The following NALF1 variants were observed in gnomAD, a reference collection of about 807,000 sequenced individuals.
The protein encoded by NALF1 is family with sequence similarity 155 member A.
In NALF1, 3 loss-of-function variants were observed where a neutral mutation model predicts 48.4. That is an observed-to-expected ratio of 0.06 (90% CI 0.03 to 0.16). The LOEUF is 0.16. Among genes scored for constraint, NALF1 ranks in the 10% least tolerant of loss-of-function variants. The pLI, the probability that NALF1 is intolerant of heterozygous loss-of-function variation, is 1.00. For missense variants in NALF1, 526 were observed against 571.5 expected, an observed-to-expected ratio of 0.92 and a Z score of 0.81; for synonymous variants, 262 against 245.7, an observed-to-expected ratio of 1.07 and a Z score of -0.62.
chr13:107,854,639 G>A (rs1279233225), intron 1 of NALF1, among the ~76,000 whole-genome samples: 1 of 152,082 alleles, frequency 6.6e-6, no homozygotes, highest in Non-Finnish European at 1.5e-5. Context: ...TTGGGAGGCC[G>A]AGGCGGGCAG....
intron 1 of NALF1, among the ~76,000 whole-genome samples, chr13:107,513,458 G>A (rs1380875329): frequency 6.6e-6 from 1 of 151,376 alleles, no homozygotes; most frequent in Non-Finnish European, 1.5e-5. Flanking sequence ...GGTTTGTACT[G>A]TGGGAAACTA....
At chr13:107,187,844 T>C (rs1055531436) in intron 2 of NALF1, among the ~76,000 whole-genome samples, 15 of 152,224 alleles carry the variant, frequency 9.9e-5, no homozygotes, top group Admixed American at 5.2e-4. Context: ...TTTTCTCTCA[T>C]ATACTTTTTT....
intron 1 of NALF1, among the ~76,000 whole-genome samples, chr13:107,759,276 T>A (rs1877200281): frequency 6.6e-6 from 1 of 152,224 alleles, no homozygotes; most frequent in South Asian, 2.1e-4. Context: ...TGGCATGATC[T>A]CAGCTCACTG....
intron 1 of NALF1, among the ~76,000 whole-genome samples, chr13:107,702,456 T>C (rs1881845805): frequency 2.0e-5 from 3 of 152,336 alleles, no homozygotes; most frequent in South Asian, 2.1e-4. Context: ...AGAGCTCTTA[T>C]ATAATTCTTG....
chr13:107,735,261 G>T (rs1273196672), intron 1 of NALF1, among the ~76,000 whole-genome samples: 2 of 152,302 alleles, frequency 1.3e-5, no homozygotes, highest in South Asian at 4.2e-4. Context: ...CTAAACCTGG[G>T]TAGTAAAGGC....
At chr13:107,571,214 C>G (rs1877977356) in intron 1 of NALF1, among the ~76,000 whole-genome samples, 1 of 152,026 alleles carries the variant, frequency 6.6e-6, no homozygotes, top group African/African-American at 2.4e-5. Context: ...TTCATAATAA[C>G]TCCTTTTTGA....
At chr13:107,369,738 AG>A (rs1883216592) in intron 1 of NALF1, among the ~76,000 whole-genome samples, 1 of 152,192 alleles carries the variant, frequency 6.6e-6, no homozygotes, top group South Asian at 2.1e-4. Context: ...GAGAAATGGA[AG>A]AATCCCTTTG....
chr13:107,432,146 G>T (rs721452), intron 1 of NALF1, among the ~76,000 whole-genome samples: 40,737 of 151,968 alleles, frequency 0.27, 5,617 homozygotes, highest in East Asian at 0.47. Context: ...GGTGAAGGGG[G>T]AGCAGGCATC....
intron 1 of NALF1, among the ~76,000 whole-genome samples, chr13:107,213,230 CA>C (rs386380636): frequency 0.028 from 2,861 of 103,338 alleles, 43 homozygotes; most frequent in African/African-American, 0.07. Flanking sequence ...TTTTTTAACT[CA>C]AAAAAAAAAA....
intron 1 of NALF1, among the ~76,000 whole-genome samples, chr13:107,380,452 A>G (rs992172898): frequency 1.3e-5 from 2 of 152,284 alleles, no homozygotes; most frequent in Admixed American, 1.3e-4. Flanking sequence ...ACATGTGTCT[A>G]TATTTGTGTA....
At chr13:107,322,162 T>C (rs900595797) in intron 1 of NALF1, among the ~76,000 whole-genome samples, 4 of 152,198 alleles carry the variant, frequency 2.6e-5, no homozygotes, top group Non-Finnish European at 2.9e-5. Flanking sequence ...CTTTTGTATA[T>C]GCTCTGTAAT....
intron 1 of NALF1, among the ~76,000 whole-genome samples, chr13:107,261,486 C>T (rs1349086113): frequency 6.6e-6 from 1 of 152,196 alleles, no homozygotes; most frequent in Non-Finnish European, 1.5e-5. Flanking sequence ...GGAGAAGCTG[C>T]CCCCGTCCTC....
At chr13:107,739,994 T>C (rs111810985) in intron 1 of NALF1, among the ~76,000 whole-genome samples, 7,051 of 152,260 alleles carry the variant, frequency 0.046, 437 homozygotes, top group African/African-American at 0.14. Context: ...GCACTGATTC[T>C]ACATTATGGT....
At chr13:107,789,626 C>A (rs185239309) in intron 1 of NALF1, among the ~76,000 whole-genome samples, 1 of 152,212 alleles carries the variant, frequency 6.6e-6, no homozygotes, top group Non-Finnish European at 1.5e-5. Context: ...TTTTAAGCAT[C>A]AAAATCATAC....
intron 1 of NALF1, among the ~76,000 whole-genome samples, chr13:107,214,862 T>C (rs993996236): frequency 2.2e-4 from 33 of 152,214 alleles, no homozygotes; most frequent in Non-Finnish European, 3.8e-4. Flanking sequence ...TCTTTCCTCA[T>C]AAAGCCCTTG....
At chr13:107,639,561 C>T (rs1221516233) in intron 1 of NALF1, among the ~76,000 whole-genome samples, 2 of 152,148 alleles carry the variant, frequency 1.3e-5, no homozygotes, top group Admixed American at 6.6e-5. Context: ...TTCCACTCCA[C>T]GCCCTGTGCC....
At chr13:107,554,138 C>G (rs946823337) in intron 1 of NALF1, among the ~76,000 whole-genome samples, 4 of 152,160 alleles carry the variant, frequency 2.6e-5, no homozygotes, top group Non-Finnish European at 1.5e-5. Context: ...ACGTAGGGTT[C>G]CTGATGTATG....
intron 1 of NALF1, among the ~76,000 whole-genome samples, chr13:107,230,934 C>T (rs142522189): frequency 4.0e-5 from 6 of 151,686 alleles, no homozygotes; most frequent in African/African-American, 1.2e-4. Flanking sequence ...GGGGTGTATG[C>T]CTATAATCCC....
intron 1 of NALF1, among the ~76,000 whole-genome samples, chr13:107,271,715 T>C (rs1041120131): frequency 1.3e-5 from 2 of 149,664 alleles, no homozygotes; most frequent in African/African-American, 4.9e-5. Flanking sequence ...CTCAGAGCCC[T>C]GTGTCTGTAC....
Sources: allele counts gnomAD v4.1 joint callset (sites outside exome capture counted in the v4.1 genomes callset), GRCh38; gene constraint gnomAD v4.1.1; transcripts MANE v1.5; gene names NCBI Gene and HGNC (gene_info 2026-07-23, HGNC 2026-07-21).